PCSK7: variants seen among roughly 807,000 people sequenced by gnomAD.
PCSK7 encodes the protein proprotein convertase subtilisin/kexin type 7.
PCSK7 carries 38 observed loss-of-function variants against 73.3 expected under a neutral mutation model. The ratio of observed to expected loss-of-function variants is 0.52; its 90% CI spans 0.40 to 0.68. The LOEUF is 0.68. PCSK7 is among the 30% of genes least tolerant of loss of function. PCSK7 has a pLI of 0.00. For missense variants in PCSK7, 692 were observed against 991.5 expected, an observed-to-expected ratio of 0.70 and a Z score of 4.06; for synonymous variants, 296 against 383.8, an observed-to-expected ratio of 0.77 and a Z score of 2.68.
chr11:117,226,578 AG>A (rs1455528405), intron 5 of PCSK7: 1 of 158,444 alleles, frequency 6.3e-6, no homozygotes, highest in African/African-American at 2.4e-5. Flanking sequence ...GGACTTGGAC[AG>A]GGTTTCTGGC....
rs1359571137 is a variant in PCSK7 at position 117,204,673 on chromosome 11, G to A, written c.*1324C>T. On this transcript the variant is annotated 3_prime_UTR_variant, in exon 17 of 17. Coordinates refer to ENST00000320934, the MANE Select transcript of PCSK7 (RefSeq NM_004716.4). Reference sequence around the variant, plus strand: ...AGCCTGGATGTGGGCCAAGTCCACTGTCCTCCTTGGCGGCAAAAGCCCATT... The same window carrying A: ...AGCCTGGATGTGGGCCAAGTCCACTATCCTCCTTGGCGGCAAAAGCCCATT... The A allele has an allele frequency of 1.6e-5, 7 of 443,872 alleles. No homozygotes were observed. The Admixed American group carries it at 2.4e-4, about 15-fold the overall frequency. 27.5% of individuals were successfully genotyped at this position (443,872 alleles called of 1,614,324 possible).
In PCSK7 at chr11:117,224,723, T is replaced by C; in HGVS notation, c.893A>G (p.Asp298Gly). The C allele has an allele frequency of 1.9e-6, 3 of 1,613,710 alleles. No homozygotes were observed. The highest frequency in any genetic ancestry group is 2.5e-6 in the Non-Finnish European group (3 of 1,179,646). ...WGPDDDGKTV[D>G]GPHQLGKAAL... ...TACCTTTCCAAGCTGATGGGGGCCA[T>C]CCACTGTCTTCCCATCGTCATCTGG... Residue 298 changes from aspartate to glycine, a missense_variant, in exon 7 of 17, where the codon GAT (aspartate) becomes GGT (glycine). This residue lies in a region of PCSK7 where 574 missense variants were observed against 689.8 expected (regional missense o/e 0.83). Coordinates refer to ENST00000320934, the MANE Select transcript of PCSK7 (RefSeq NM_004716.4).
In PCSK7 at chr11:117,227,148, A is replaced by C; in HGVS notation, c.769+9T>G. 6.3e-7 allele frequency: 1 copy of C among 1,593,374 alleles called. No individual in the cohort carries two copies. The highest frequency in any genetic ancestry group is 8.5e-7 in the Non-Finnish European group (1 of 1,169,744). Reference sequence around the variant, plus strand: ...AGCCTACCAAGGCTAGGCTGGAGGCACAAGTTACCTGCGATGCGGCTCCCG... The same window carrying C: ...AGCCTACCAAGGCTAGGCTGGAGGCCCAAGTTACCTGCGATGCGGCTCCCG... On this transcript the variant is annotated intron_variant, in intron 5 of 16. Transcript: ENST00000320934.
intron 1 of PCSK7, among the ~76,000 whole-genome samples, chr11:117,231,595 C>T (rs993400243): frequency 4.6e-5 from 7 of 152,164 alleles, no homozygotes; most frequent in Non-Finnish European, 8.8e-5. Context: ...ATTTTTATCC[C>T]CCAGGCTTCT....
chr11:117,220,647 A>G (rs994297237), intron 9 of PCSK7: 1 of 152,338 alleles, frequency 6.6e-6, no homozygotes, highest in African/African-American at 2.4e-5. Flanking sequence ...AGACAGAGGA[A>G]GTGGCCAGGG....
intron 10 of PCSK7, 66 bp downstream of exon 10, chr11:117,219,525 G>T: frequency 6.9e-7 from 1 of 1,455,472 alleles, no homozygotes; most frequent in Non-Finnish European, 9.5e-7. Flanking sequence ...AGAATCTAAG[G>T]CCACCTGATA....
At chr11:117,217,447 A>G (rs2032031065) in intron 12 of PCSK7, 1 of 152,238 alleles carries the variant, frequency 6.6e-6, no homozygotes, top group Non-Finnish European at 1.5e-5. Flanking sequence ...CCTTTCCAAG[A>G]TAACATTCCT....
rs1293970852 is a variant in PCSK7 at position 117,223,322 on chromosome 11, AG to A, written c.1055-15del. The A allele has an allele frequency of 6.6e-7, 1 of 1,526,172 alleles. No individual in the cohort carries two copies. Among genetic ancestry groups the A allele is most frequent in the South Asian group, 1.1e-5 (1 of 89,276 alleles). The allele number at this position is 1,526,172 out of a possible 1,614,324, so 94.5% of individuals were successfully genotyped here. ...CATCCACAGCTCCTAGGGACAGAGG[AG>A]GGAGATTAGAGCTGAGATGCAGAGG... On this transcript the variant is annotated splice_polypyrimidine_tract_variant and intron_variant, in intron 8 of 16. Transcript: ENST00000320934.
chr11:117,210,885 ATGACT>A (rs2031699788), intron 12 of PCSK7: 2 of 152,248 alleles, frequency 1.3e-5, no homozygotes, highest in African/African-American at 2.4e-5. Flanking sequence ...GCAGTGAACC[ATGACT>A]GTGCCTCTGC....
chr11:117,223,808 A>G (rs908157474), intron 8 of PCSK7: 10 of 450,124 alleles, frequency 2.2e-5, no homozygotes, highest in African/African-American at 2.0e-4. Flanking sequence ...AAGGTGGCCC[A>G]CAGAAAGACA....
At chr11:117,223,524 TC>T in intron 8 of PCSK7, 1 of 569,618 alleles carries the variant, frequency 1.8e-6, no homozygotes, top group South Asian at 2.2e-5. Flanking sequence ...TACCATTCTT[TC>T]AGTAGGCTCT....
intron 1 of PCSK7, among the ~76,000 whole-genome samples, chr11:117,231,377 T>C (rs973284288): frequency 1.3e-5 from 2 of 152,182 alleles, no homozygotes; most frequent in Non-Finnish European, 2.9e-5. Flanking sequence ...AATCCCTCCC[T>C]GCCCCCGGGA....
chr11:117,225,118 A>G (rs1295149783), intron 6 of PCSK7: 1 of 168,064 alleles, frequency 6.0e-6, no homozygotes, highest in African/African-American at 2.5e-5. Flanking sequence ...CTGAAGTGCA[A>G]TGGCGCGATT....
chr11:117,224,401 T>C (rs2134323164), intron 7 of PCSK7, among the ~76,000 whole-genome samples, 185 bp from the exon 8 acceptor site: 1 of 152,160 alleles, frequency 6.6e-6, no homozygotes, highest in East Asian at 1.9e-4. Context: ...ACCCAGGATG[T>C]GGGGCAGCTG....
At position 117,227,266 on chromosome 11, in the gene PCSK7, C is replaced by T. The variant is rs768474875; in HGVS notation, c.660G>A (p.Pro220=). The change falls in exon 5 of 17, where the codon CCG becomes CCA. Residue 220 remains proline, a synonymous_variant. Coordinates refer to ENST00000320934, the MANE Select transcript of PCSK7 (RefSeq NM_004716.4). The part of the protein sequence containing the change: ...NSNDPDPMPH[P]DVENGNHHGT... The stretch of plus-strand genomic sequence containing the variant: ...CATGGTGGTTGCCATTCTCCACATC[C>T]GGGTGGGGCATGGGGTCAGGGTCAT... 30 of 1,612,956 alleles carry T rather than the reference C, an allele frequency of 1.9e-5. No homozygotes were observed. The Middle Eastern group carries it at 1.3e-3, about 71-fold the overall frequency.
At position 117,223,195 on chromosome 11, in the gene PCSK7, G is replaced by A. The variant is rs376772366; in HGVS notation, c.1155+13C>T. On this transcript the variant is annotated intron_variant, in intron 9 of 16. Coordinates refer to ENST00000320934, the MANE Select transcript of PCSK7 (RefSeq NM_004716.4). Reference sequence around the variant, plus strand: ...GAAAGGGGCAGGCCGTGGAGGGCCCGGGAGGCACTCACAATGCTCCGAAGC... The same window carrying A: ...GAAAGGGGCAGGCCGTGGAGGGCCCAGGAGGCACTCACAATGCTCCGAAGC... The A allele has an allele frequency of 3.1e-5, 48 of 1,530,440 alleles. 1 individual carries two copies. Among genetic ancestry groups the A allele is most frequent in the Admixed American group, 5.0e-5 (3 of 59,866 alleles). 94.8% of individuals were successfully genotyped at this position (1,530,440 alleles called of 1,614,324 possible). A position where few individuals can be genotyped will look rare whatever the true frequency, so the allele number is the denominator to read the frequency against.
rs1447987405 is a variant in PCSK7 at position 117,228,352 on chromosome 11, T to C, written c.469-2A>G. 6.2e-7 allele frequency: 1 copy of C among 1,613,826 alleles called. No individual in the cohort carries two copies. The highest frequency in any genetic ancestry group is 1.1e-5 in the South Asian group (1 of 91,074). ...CCTGCCCGGGCTCCGTCGGTTATTCTGTAAGAGAGACAGGATGGGAATACA... is the reference window on the plus strand; with the variant it reads ...CCTGCCCGGGCTCCGTCGGTTATTCCGTAAGAGAGACAGGATGGGAATACA... On this transcript the variant is annotated splice_acceptor_variant, in intron 3 of 16. Coordinates refer to ENST00000320934, the MANE Select transcript of PCSK7 (RefSeq NM_004716.4). LOFTEE classifies it high-confidence loss of function.
At chr11:117,225,688 A>C (rs1196096497) in intron 6 of PCSK7, 3 of 548,898 alleles carry the variant, frequency 5.5e-6, no homozygotes, top group Non-Finnish European at 9.8e-6. Flanking sequence ...GAGTTTAGAA[A>C]ACAAATAAAT....
Position 117,206,328 on chromosome 11 carries a change from A to G in PCSK7, c.2027T>C (p.Val676Ala), listed in dbSNP as rs749208023. Residue 676 changes from valine to alanine, a missense_variant, in exon 17 of 17, where the codon GTC (valine) becomes GCC (alanine). Physicochemically the swap from Val to Ala is moderately conservative, Grantham distance 64. Transcript: ENST00000320934. Reference sequence around the variant, plus strand: ...CAGCATGTAGTAAACAGTCCAGAAGACGGTGAAACAGCCTACCAGCACCAG... The same window carrying G: ...CAGCATGTAGTAAACAGTCCAGAAGGCGGTGAAACAGCCTACCAGCACCAG... ...KTLVLVGCFT[V>A]FWTVYYMLEV... 41 of 1,611,056 alleles carry G rather than the reference A, an allele frequency of 2.5e-5. No individual in the cohort carries two copies. The highest frequency in any genetic ancestry group is 3.5e-5 in the Non-Finnish European group (41 of 1,177,590).
Sources: allele counts gnomAD v4.1 joint callset (sites outside exome capture counted in the v4.1 genomes callset), GRCh38; gene constraint gnomAD v4.1.1; regional missense constraint gnomAD v4.1.1; transcripts MANE v1.5; gene names NCBI Gene and HGNC (gene_info 2026-07-23, HGNC 2026-07-21).